Variants in PDXDC1 observed in about 807,000 individuals in gnomAD.
The protein encoded by PDXDC1 is pyridoxal dependent decarboxylase domain containing 1.
A neutral mutation model predicts 100.1 loss-of-function variants in PDXDC1; 42 were observed. That is an observed-to-expected ratio of 0.42 (90% CI 0.33 to 0.54). The LOEUF is 0.54. PDXDC1 is among the 20% of genes least tolerant of loss of function. The probability of loss-of-function intolerance (pLI) is 0.10; values close to 1 mark genes in which losing one functional copy is unlikely to be tolerated. For missense variants in PDXDC1, 636 were observed against 979.2 expected (o/e 0.65, Z 4.68); for synonymous variants, 260 against 371.7 (o/e 0.70, Z 3.46).
At chr16:15,104,792 T>A in intron 16 of PDXDC1, 1 of 1,568,074 alleles carries the variant, frequency 6.4e-7, no homozygotes, top group South Asian at 1.1e-5. Context: ...TTTTCACACA[T>A]ATTCATTTGA....
chr16:15,038,273 A>ATACTT lies in PDXDC1; in HGVS notation c.*1999_*2000insACTTT. 1 of 1,144,346 alleles carries ATACTT rather than the reference A, an allele frequency of 8.7e-7. No homozygotes were observed. The highest frequency in any genetic ancestry group is 1.3e-6 in the Non-Finnish European group (1 of 786,158). 70.9% of individuals were successfully genotyped at this position (1,144,346 alleles called of 1,614,324 possible). A position where few individuals can be genotyped will look rare whatever the true frequency, so the allele number is the denominator to read the frequency against. Reference sequence around the variant, plus strand: ...CTTACTGTCCCCTGCTGTGATAAAGATGTCAAAGTATCTTTGTTCTTGGAC... The same window carrying ATACTT: ...CTTACTGTCCCCTGCTGTGATAAAGATACTTTGTCAAAGTATCTTTGTTCTTGGAC... On this transcript the variant is annotated 3_prime_UTR_variant, in exon 23 of 23. Coordinates refer to ENST00000396410, the MANE Select transcript of PDXDC1 (RefSeq NM_015027.4).
chr16:15,042,369 A>G (rs920166178), downstream of PDXDC1, among the ~76,000 whole-genome samples: 1 of 151,472 alleles, frequency 6.6e-6, no homozygotes, highest in Non-Finnish European at 1.5e-5. Context: ...TATTTTCAGT[A>G]GAGACAGATG....
At chr16:14,982,431 T>C (rs1968201580) in intron 1 of PDXDC1, among the ~76,000 whole-genome samples, 1 of 152,256 alleles carries the variant, frequency 6.6e-6, no homozygotes, top group African/African-American at 2.4e-5. Flanking sequence ...GAGACCAGCC[T>C]GGCCCACGTG....
chr16:14,993,108 C>G (rs1007276337), intron 1 of PDXDC1, among the ~76,000 whole-genome samples: 1 of 151,656 alleles, frequency 6.6e-6, no homozygotes, highest in African/African-American at 2.4e-5. Flanking sequence ...TTTTTTTTTT[C>G]TTTTCAATGA....
intron 20 of PDXDC1, 37 bp downstream of exon 20, chr16:15,034,415 C>T (rs1270032814): frequency 2.5e-6 from 4 of 1,613,364 alleles, no homozygotes; most frequent in Non-Finnish European, 3.4e-6. Context: ...GGGGGAGCCG[C>T]CGTGAGGCCA....
intron 5 of PDXDC1, among the ~76,000 whole-genome samples, chr16:15,004,600 A>G (rs1349717459): frequency 4.6e-5 from 7 of 152,294 alleles, no homozygotes; most frequent in Admixed American, 4.6e-4. Flanking sequence ...TAGGGTCAGC[A>G]GTTATTTATT....
At chr16:15,083,437 A>C in intron 16 of PDXDC1, 1 of 1,577,246 alleles carries the variant, frequency 6.3e-7, no homozygotes, top group Non-Finnish European at 8.6e-7. Flanking sequence ...AAAAGAAAGA[A>C]AAAGACCTAA....
chr16:15,099,992 A>G (rs552484218), intron 16 of PDXDC1, among the ~76,000 whole-genome samples: 1 of 152,240 alleles, frequency 6.6e-6, no homozygotes, highest in South Asian at 2.1e-4. Context: ...TGAGGATACA[A>G]ATATATAGTA....
At chr16:15,148,370 A>ATTTTT in the PDXDC1 span, among the ~76,000 whole-genome samples, 123 of 34,120 alleles carry the variant, frequency 3.6e-3, 13 homozygotes, top group East Asian at 6.1e-3. Context: ...AGATCCTGTG[A>ATTTTT]TTTTTTTTTT....
intron 1 of PDXDC1, among the ~76,000 whole-genome samples, chr16:14,978,026 A>C (rs1247732383): frequency 6.6e-6 from 1 of 151,778 alleles, no homozygotes; most frequent in Non-Finnish European, 1.5e-5. Flanking sequence ...GTCCAAATAT[A>C]GTTCTGTCCC....
chr16:15,075,686 TCA>T (rs1296859596), intron 16 of PDXDC1, among the ~76,000 whole-genome samples: 1 of 152,128 alleles, frequency 6.6e-6, no homozygotes, highest in Non-Finnish European at 1.5e-5. Context: ...AAGCCAAGAC[TCA>T]CAGCACCAGC....
At chr16:15,032,050 AT>A in intron 17 of PDXDC1, 144 bp downstream of exon 17, 2 of 747,708 alleles carry the variant, frequency 2.7e-6, no homozygotes, top group Non-Finnish European at 4.4e-6. Flanking sequence ...TTTTCTGGGC[AT>A]TTACAAAAGC....
At position 15,019,402 on chromosome 16, in the gene PDXDC1, G is replaced by A. The variant is rs1436090292; in HGVS notation, c.1089+437G>A. ...GTTTCCAAATTGCAGGGCTCTTGGG[G>A]ACAATTCTAATTCTCTCTCCATTTT... is the stretch of plus-strand genomic sequence containing the variant. On this transcript the variant is annotated intron_variant, in intron 12 of 22. Coordinates refer to ENST00000396410, the MANE Select transcript of PDXDC1 (RefSeq NM_015027.4). Among the ~76,000 whole-genome samples the A allele has an allele frequency of 5.9e-5, 9 of 152,410 alleles. No homozygotes were observed. In the Middle Eastern group the frequency reaches 0.01, roughly 174 times the overall value.
intron 16 of PDXDC1, among the ~76,000 whole-genome samples, chr16:15,052,035 A>G (rs1434720841): frequency 6.6e-6 from 1 of 151,862 alleles, no homozygotes; most frequent in African/African-American, 2.4e-5. Context: ...CTTTTCCCTC[A>G]GTCCCTCATC....
chr16:14,999,448 C>G (rs1180128297), intron 3 of PDXDC1, among the ~76,000 whole-genome samples: 1 of 151,934 alleles, frequency 6.6e-6, no homozygotes, highest in Non-Finnish European at 1.5e-5. Context: ...GTGGTGCACA[C>G]TTGTAGTCCC....
intron 8 of PDXDC1, among the ~76,000 whole-genome samples, chr16:15,012,664 G>T (rs915720369): frequency 2.0e-5 from 3 of 152,244 alleles, no homozygotes; most frequent in Non-Finnish European, 4.4e-5. Context: ...GGGCAACATG[G>T]CGAAACCCCT....
At chr16:15,061,720 C>T (rs377665217) in intron 16 of PDXDC1, 3 of 1,596,976 alleles carry the variant, frequency 1.9e-6, no homozygotes, top group African/African-American at 1.3e-5. Context: ...CCAAATGTCA[C>T]ATCTCAGTCA....
chr16:15,078,752 G>A (rs1421078808), intron 16 of PDXDC1, among the ~76,000 whole-genome samples: 1 of 151,110 alleles, frequency 6.6e-6, no homozygotes, highest in East Asian at 1.9e-4. Context: ...CTGCCCACCA[G>A]CAACTGAACC....
chr16:15,039,351 TGA>T (rs1198172504), downstream of PDXDC1, among the ~76,000 whole-genome samples: 1 of 152,222 alleles, frequency 6.6e-6, no homozygotes, highest in African/African-American at 2.4e-5. Flanking sequence ...ATTTCATAAA[TGA>T]GAAGATTTCT....
Sources: gnomAD v4.1 joint callset for allele counts (sites outside exome capture counted in the v4.1 genomes callset) on GRCh38, gnomAD v4.1.1 for gene constraint, MANE v1.5 for transcripts, NCBI Gene and HGNC (gene_info 2026-07-23, HGNC 2026-07-21) for gene names.